LPP: variants seen among roughly 807,000 people sequenced by gnomAD.
The protein encoded by LPP is LIM domain containing preferred translocation partner in lipoma, also known as lipoma-preferred partner.
In LPP, 38 loss-of-function variants were observed where a neutral mutation model predicts 60.4. That is an observed-to-expected ratio of 0.63 (90% CI 0.49 to 0.83). The LOEUF is 0.83. Among genes scored for constraint, LPP ranks in the 40% least tolerant of loss-of-function variants. The probability of loss-of-function intolerance (pLI) is 0.00; values close to 1 mark genes in which losing one functional copy is unlikely to be tolerated. For synonymous variants in LPP, 328 were observed against 290.8 expected (o/e 1.13, Z -1.30); for missense variants, 902 against 783.6 (o/e 1.15, Z -1.80).
chr3:188,781,357 A>G (rs987078536), intron 9 of LPP, among the ~76,000 whole-genome samples: 1 of 152,198 alleles, frequency 6.6e-6, no homozygotes, highest in Non-Finnish European at 1.5e-5. Context: ...GGAGTGGAGA[A>G]AATGACTTAT....
At chr3:188,385,112 C>A (rs1430172043) in intron 3 of LPP, among the ~76,000 whole-genome samples, 1 of 151,842 alleles carries the variant, frequency 6.6e-6, no homozygotes, top group East Asian at 1.9e-4. Context: ...AATGTAACTC[C>A]TTGATGGAAT....
At chr3:188,183,988 A>G in intron 1 of LPP, among the ~76,000 whole-genome samples, 1 of 152,114 alleles carries the variant, frequency 6.6e-6, no homozygotes, top group Non-Finnish European at 1.5e-5. Context: ...AATGGAGTGG[A>G]CTGTATCAAT....
chr3:188,376,327 T>C (rs1437638192), intron 3 of LPP, among the ~76,000 whole-genome samples: 1 of 151,862 alleles, frequency 6.6e-6, no homozygotes, highest in African/African-American at 2.4e-5. Flanking sequence ...CCATTATTAT[T>C]GTGTGGGAGT....
intron 3 of LPP, among the ~76,000 whole-genome samples, chr3:188,377,794 GT>G (rs1775615436): frequency 1.6e-4 from 24 of 152,260 alleles, no homozygotes; most frequent in African/African-American, 5.3e-4. Flanking sequence ...GATTTTTAGA[GT>G]TTCCAGTTTT....
chr3:188,239,637 A>G (rs1723151804), intron 2 of LPP, among the ~76,000 whole-genome samples: 1 of 152,066 alleles, frequency 6.6e-6, no homozygotes, highest in African/African-American at 2.4e-5. Context: ...TAGTTTCTGA[A>G]CTTGGGGCCC....
intron 3 of LPP, among the ~76,000 whole-genome samples, chr3:188,388,365 T>C (rs563031762): frequency 1.3e-5 from 2 of 152,356 alleles, no homozygotes; most frequent in South Asian, 4.1e-4. Flanking sequence ...AAATTCTAAA[T>C]TGTCTTGACA....
chr3:188,601,636 C>T (rs1841189549), intron 6 of LPP, among the ~76,000 whole-genome samples: 1 of 152,102 alleles, frequency 6.6e-6, no homozygotes, highest in African/African-American at 2.4e-5. Flanking sequence ...ATCACCTGCC[C>T]CTTCCCTTTT....
intron 2 of LPP, among the ~76,000 whole-genome samples, chr3:188,248,497 T>TATATATACATAC (rs1288280759): frequency 7.1e-6 from 1 of 140,728 alleles, no homozygotes; most frequent in Non-Finnish European, 1.5e-5. Context: ...TATATATATA[T>TATATATACATAC]ACAGTCAGCA....
upstream of LPP, chr3:188,153,658 C>T (rs1715144753): frequency 6.6e-6 from 1 of 152,432 alleles, no homozygotes; most frequent in Non-Finnish European, 1.5e-5. Flanking sequence ...ATGCAATGCC[C>T]TCAGTGCGCC....
chr3:188,203,421 A>AT (rs1560106891), intron 1 of LPP, among the ~76,000 whole-genome samples: 1 of 34,050 alleles, frequency 2.9e-5, no homozygotes, highest in Non-Finnish European at 5.5e-5. Flanking sequence ...TATATATATA[A>AT]TATAAATATA....
chr3:188,507,350 C>G (rs1304020918), intron 5 of LPP, among the ~76,000 whole-genome samples: 1 of 151,998 alleles, frequency 6.6e-6, no homozygotes, highest in South Asian at 2.1e-4. Context: ...ACATCTTGAG[C>G]AAATCAAGCT....
At chr3:188,557,065 C>T (rs1354083790) in intron 6 of LPP, among the ~76,000 whole-genome samples, 4 of 152,018 alleles carry the variant, frequency 2.6e-5, no homozygotes, top group African/African-American at 4.8e-5. Flanking sequence ...TCTTGCCCTA[C>T]GGTAGATAGC....
At chr3:188,522,077 A>G (rs1819015973) in intron 5 of LPP, among the ~76,000 whole-genome samples, 2 of 152,204 alleles carry the variant, frequency 1.3e-5, no homozygotes, top group Admixed American at 6.5e-5. Flanking sequence ...GCCCTTTGAT[A>G]TAAACATGAA....
intron 2 of LPP, among the ~76,000 whole-genome samples, chr3:188,274,585 T>C (rs1305639336): frequency 6.6e-6 from 1 of 152,230 alleles, no homozygotes; most frequent in Non-Finnish European, 1.5e-5. Context: ...GATGAATTGG[T>C]AGATCATGGA....
At chr3:188,631,507 C>A (rs936381338) in intron 7 of LPP, among the ~76,000 whole-genome samples, 1 of 152,194 alleles carries the variant, frequency 6.6e-6, no homozygotes, top group Non-Finnish European at 1.5e-5. Flanking sequence ...CATTACTAAG[C>A]ACATTCCTAA....
At chr3:188,257,797 C>T (rs1732165685) in intron 2 of LPP, among the ~76,000 whole-genome samples, 2 of 152,204 alleles carry the variant, frequency 1.3e-5, no homozygotes. Context: ...TTCTTTCCCA[C>T]TTTGCAAATA....
chr3:188,308,745 C>T (rs1752326754), intron 2 of LPP, among the ~76,000 whole-genome samples: 1 of 152,158 alleles, frequency 6.6e-6, no homozygotes, highest in South Asian at 2.1e-4. Context: ...AGCCTTGTTT[C>T]AGAACGATAA....
intron 9 of LPP, among the ~76,000 whole-genome samples, chr3:188,815,395 C>G (rs1428278011): frequency 6.6e-6 from 1 of 152,008 alleles, no homozygotes; most frequent in Non-Finnish European, 1.5e-5. Context: ...GACTGTAGAG[C>G]CAGTTATAGG....
At chr3:188,872,837 T>C (rs1292774779) in intron 11 of LPP, 74 bp downstream of exon 11, 3 of 1,589,250 alleles carry the variant, frequency 1.9e-6, no homozygotes, top group African/African-American at 1.3e-5. Context: ...TTTACATAGA[T>C]GTAGCAATTA....
Sources: gnomAD v4.1 joint callset for allele counts (sites outside exome capture counted in the v4.1 genomes callset) on GRCh38, gnomAD v4.1.1 for gene constraint, MANE v1.5 for transcripts, NCBI Gene and HGNC (gene_info 2026-07-23, HGNC 2026-07-21) for gene names.